Variants in DLGAP1 observed in about 807,000 individuals in gnomAD.
DLGAP1 encodes disks large-associated protein 1.
DLGAP1 carries 11 observed loss-of-function variants against 90.8 expected under a neutral mutation model. The ratio of observed to expected loss-of-function variants is 0.12; its 90% CI spans 0.08 to 0.20. The LOEUF (loss-of-function observed/expected upper bound fraction) is 0.20, where lower values mean the gene tolerates loss of function less well. Ranked by LOEUF, DLGAP1 falls within the 10% of genes least tolerant of loss-of-function variation. DLGAP1 has a pLI of 1.00. For synonymous variants in DLGAP1, 558 were observed against 540.7 expected (o/e 1.03, Z -0.44); for missense variants, 1,050 against 1,333.8 (o/e 0.79, Z 3.31).
chr18:3,570,394 T>C (rs562460593), intron 8 of DLGAP1, among the ~76,000 whole-genome samples: 1 of 151,776 alleles, frequency 6.6e-6, no homozygotes, highest in Non-Finnish European at 1.5e-5. Context: ...TTCTCCTGCC[T>C]CAGCCTCCCA....
At chr18:3,939,084 A>G (rs8096287) in intron 3 of DLGAP1, among the ~76,000 whole-genome samples, 66,356 of 151,970 alleles carry the variant, frequency 0.44, 14,811 homozygotes, top group East Asian at 0.51. Context: ...ATTGTGCAGC[A>G]ATGAACCTAA....
At chr18:3,523,830 A>G (rs978187498) in intron 10 of DLGAP1, among the ~76,000 whole-genome samples, 5 of 149,558 alleles carry the variant, frequency 3.3e-5, no homozygotes, top group African/African-American at 1.2e-4. Flanking sequence ...CCTGGGCGAC[A>G]GAGCAAGACT....
intron 10 of DLGAP1, among the ~76,000 whole-genome samples, chr18:3,530,822 C>T (rs949676771): frequency 8.5e-5 from 13 of 152,290 alleles, no homozygotes; most frequent in Non-Finnish European, 1.5e-4. Flanking sequence ...TGTTTGCACT[C>T]ATAATATGAA....
At chr18:4,400,066 A>C (rs1262730141) in intron 1 of DLGAP1, among the ~76,000 whole-genome samples, 1 of 151,866 alleles carries the variant, frequency 6.6e-6, no homozygotes, top group Admixed American at 6.6e-5. Context: ...AGCTTCCTGC[A>C]CCACATGTTC....
intron 1 of DLGAP1, among the ~76,000 whole-genome samples, chr18:4,235,249 C>T (rs1211878092): frequency 6.6e-6 from 1 of 152,144 alleles, no homozygotes; most frequent in Admixed American, 6.6e-5. Context: ...CCATTAACCA[C>T]TTATTAAGTT....
intron 7 of DLGAP1, among the ~76,000 whole-genome samples, chr18:3,662,126 C>T (rs1013411600): frequency 6.6e-6 from 1 of 151,788 alleles, no homozygotes. Context: ...TAAAGCTACA[C>T]ACAGTAAAAG....
chr18:4,287,312 C>A (rs1417243128), intron 1 of DLGAP1, among the ~76,000 whole-genome samples: 3 of 152,140 alleles, frequency 2.0e-5, no homozygotes, highest in African/African-American at 4.8e-5. Context: ...CCTCAAGGAT[C>A]TAGAACCAGA....
intron 1 of DLGAP1, among the ~76,000 whole-genome samples, chr18:4,408,577 AT>A (rs2082712624): frequency 1.3e-5 from 2 of 152,166 alleles, no homozygotes; most frequent in Admixed American, 1.3e-4. Context: ...ACGTATTGGC[AT>A]TTGGGACAGC....
At chr18:4,058,819 C>T (rs1234601988) in intron 2 of DLGAP1, among the ~76,000 whole-genome samples, 1 of 152,180 alleles carries the variant, frequency 6.6e-6, no homozygotes, top group African/African-American at 2.4e-5. Flanking sequence ...ATTCTTGCAG[C>T]AGCTAGCTGC....
intron 1 of DLGAP1, among the ~76,000 whole-genome samples, chr18:4,391,558 A>G (rs986549096): frequency 2.0e-5 from 3 of 152,180 alleles, no homozygotes; most frequent in Admixed American, 6.5e-5. Context: ...TGATTGGTGA[A>G]GATCCCCTTA....
At chr18:3,955,084 C>T (rs1461404744) in intron 3 of DLGAP1, among the ~76,000 whole-genome samples, 1 of 152,068 alleles carries the variant, frequency 6.6e-6, no homozygotes, top group Non-Finnish European at 1.5e-5. Context: ...GGGGAAGGAA[C>T]ATCAGAAAAG....
At chr18:4,235,769 A>G (rs1259046168) in intron 1 of DLGAP1, among the ~76,000 whole-genome samples, 2 of 114,288 alleles carry the variant, frequency 1.7e-5, no homozygotes, top group African/African-American at 6.9e-5. Context: ...TCTGTTGCCC[A>G]TGCTGGAGTG....
At chr18:4,170,055 TGATGATGGAAGGTTGTTTCCAC>T (rs1448143635) in intron 1 of DLGAP1, among the ~76,000 whole-genome samples, 22 of 152,102 alleles carry the variant, frequency 1.4e-4, no homozygotes, top group African/African-American at 2.7e-4. Context: ...AAGAGACACA[TGATGATGGAAGGTTGTTTCCAC>T]GATGATGGAA....
intron 3 of DLGAP1, among the ~76,000 whole-genome samples, chr18:3,944,727 T>G (rs2072843057): frequency 1.3e-5 from 2 of 152,242 alleles, no homozygotes; most frequent in South Asian, 4.1e-4. Flanking sequence ...TTTAGAATGT[T>G]GTGAAGGTAA....
intron 2 of DLGAP1, among the ~76,000 whole-genome samples, chr18:4,126,479 A>G (rs2076234936): frequency 6.6e-6 from 1 of 152,194 alleles, no homozygotes; most frequent in South Asian, 2.1e-4. Flanking sequence ...AAACATCTCT[A>G]TACCTATTTG....
At chr18:3,576,965 T>A (rs1258677563) in intron 8 of DLGAP1, among the ~76,000 whole-genome samples, 1 of 150,728 alleles carries the variant, frequency 6.6e-6, no homozygotes, top group African/African-American at 2.4e-5. Context: ...CAGGTTCAAG[T>A]GATTCTTCTG....
intron 5 of DLGAP1, among the ~76,000 whole-genome samples, chr18:3,761,684 T>A (rs1367607077): frequency 1.3e-5 from 2 of 151,974 alleles, no homozygotes; most frequent in Non-Finnish European, 2.9e-5. Flanking sequence ...CAAGCTATTC[T>A]CCTGCTTCAG....
At chr18:4,295,969 T>A (rs987090515) in intron 1 of DLGAP1, among the ~76,000 whole-genome samples, 11 of 152,208 alleles carry the variant, frequency 7.2e-5, no homozygotes, top group African/African-American at 2.4e-4. Flanking sequence ...TTTGAGCCAG[T>A]CATCTATTCT....
chr18:3,554,964 T>A (rs577126252), intron 9 of DLGAP1, among the ~76,000 whole-genome samples: 95 of 152,266 alleles, frequency 6.2e-4, no homozygotes, highest in Non-Finnish European at 6.8e-4. Flanking sequence ...TATCAGTCTG[T>A]TTATTTGAAA....
Sources: gnomAD v4.1 joint callset for allele counts (sites outside exome capture counted in the v4.1 genomes callset) on GRCh38, gnomAD v4.1.1 for gene constraint, MANE v1.5 for transcripts, NCBI Gene and HGNC (gene_info 2026-07-23, HGNC 2026-07-21) for gene names.